SPDYE4: variants seen among roughly 807,000 people sequenced by gnomAD.
The protein encoded by SPDYE4 is speedy protein E4.
Under a neutral mutation model 37.5 loss-of-function variants are expected in SPDYE4, and 30 were observed. The observed-to-expected ratio is 0.80, with a 90% CI of 0.60 to 1.09. The LOEUF is 1.09. Among genes scored for constraint, SPDYE4 ranks in the 50% least tolerant of loss-of-function variants. The pLI, the probability that SPDYE4 is intolerant of heterozygous loss-of-function variation, is 0.00. For missense variants in SPDYE4, 300 were observed against 307.9 expected (o/e 0.97, Z 0.19); for synonymous variants, 131 against 120.3 (o/e 1.09, Z -0.58).
intron 4 of SPDYE4, 78 bp downstream of exon 4, chr17:8,755,442 A>T: frequency 6.7e-7 from 1 of 1,489,858 alleles, no homozygotes; most frequent in Non-Finnish European, 9.2e-7. Flanking sequence ...AAAAAAATAG[A>T]TGGAAGGTTG....
Position 8,757,279 on chromosome 17 carries a change from G to T in SPDYE4, c.323C>A (p.Ala108Asp), listed in dbSNP as rs114698260. 1.2e-6 allele frequency: 2 copies of T among 1,605,506 alleles called. No homozygotes were observed. The highest frequency in any genetic ancestry group is 1.7e-6 in the Non-Finnish European group (2 of 1,175,842). The change falls in exon 2 of 7, where the codon GCC becomes GAC. Residue 108 changes from alanine (A) to aspartate (D), a missense_variant. Ala to Asp is a moderately radical substitution (Grantham distance 126). Transcript: ENST00000689094. ...ASSVLPEHHE[A>D]FNRLLGDPVV... ...CCTCCTACCAAGGAGCCTGTTGAAG[G>T]CCTCGTGGTGCTCAGGGAGCACGGA...
In SPDYE4 at chr17:8,758,281, T is replaced by C. The variant is rs2086791357; in HGVS notation, c.102A>G (p.Gly34=). Residue 34 remains glycine (G), a synonymous_variant, in exon 1 of 7, where the codon GGA becomes GGG. Transcript: ENST00000689094. ...TCCCTCCAGTCACCTCACCTGATGG[T>C]CCTGGCACTTCATCATCCACCACCA... The part of the protein sequence containing the change: ...PEVVVDDEVP[G]PSAPWIDPSP... 1.3e-6 allele frequency: 2 copies of C among 1,543,866 alleles called. No homozygotes were observed. Among genetic ancestry groups the C allele is most frequent in the Non-Finnish European group, 1.7e-6 (2 of 1,143,158 alleles).
downstream of SPDYE4, among the ~76,000 whole-genome samples, chr17:8,749,770 AG>A (rs201100568): frequency 0.034 from 5,132 of 152,290 alleles, 110 homozygotes; most frequent in Non-Finnish European, 0.051. Context: ...TCCCATTATA[AG>A]TTCACCCCTG....
chr17:8,756,565 G>C, intron 2 of SPDYE4, 129 bp from the exon 3 acceptor site: 1 of 832,142 alleles, frequency 1.2e-6, no homozygotes, highest in Non-Finnish European at 1.9e-6. Context: ...AGGTGGATGG[G>C]AGAGGAGAGA....
intron 6 of SPDYE4, 73 bp downstream of exon 6, chr17:8,753,021 C>T (rs1251646452): frequency 2.4e-6 from 3 of 1,274,162 alleles, no homozygotes; most frequent in Non-Finnish European, 2.2e-6. Flanking sequence ...GAAGCTGGAT[C>T]AAGCAGTTGA....
downstream of SPDYE4, among the ~76,000 whole-genome samples, chr17:8,750,629 G>GT (rs2151143770): frequency 6.6e-6 from 1 of 152,302 alleles, no homozygotes; most frequent in South Asian, 2.1e-4. Context: ...AGAATGGCGT[G>GT]AACACAGGAG....
At chr17:8,758,194 G>GCTTCAGATT (rs1431336299) in intron 1 of SPDYE4, 80 bp downstream of exon 1, 3 of 1,198,736 alleles carry the variant, frequency 2.5e-6, no homozygotes, top group Non-Finnish European at 3.5e-6. Flanking sequence ...CTACTCAGGT[G>GCTTCAGATT]CTTCAGATTC....
downstream of SPDYE4, among the ~76,000 whole-genome samples, chr17:8,749,289 T>A (rs2046360333): frequency 6.8e-6 from 1 of 146,526 alleles, no homozygotes; most frequent in Admixed American, 6.8e-5. Flanking sequence ...TGAGATGGAG[T>A]CTCGCTCTGT....
chr17:8,757,230 G>C (rs769495786), intron 2 of SPDYE4, 32 bp downstream of exon 2: 1 of 1,569,330 alleles, frequency 6.4e-7, no homozygotes, highest in Non-Finnish European at 8.7e-7. Flanking sequence ...AAAAGAACAG[G>C]GTTGGAGGTG....
At chr17:8,752,977 G>C (rs117790706) in intron 6 of SPDYE4, 117 bp downstream of exon 6, 12 of 893,606 alleles carry the variant, frequency 1.3e-5, no homozygotes, top group Non-Finnish European at 2.0e-5. Flanking sequence ...TTGTATTTTT[G>C]TGGAGACGGG....
downstream of SPDYE4, among the ~76,000 whole-genome samples, chr17:8,747,631 T>A (rs1347210684): frequency 6.6e-6 from 1 of 152,234 alleles, no homozygotes; most frequent in Non-Finnish European, 1.5e-5. Context: ...TTTTTTGGTT[T>A]TTTTGCCAAT....
At chr17:8,756,829 A>G (rs1267391790) in intron 2 of SPDYE4, among the ~76,000 whole-genome samples, 3 of 152,186 alleles carry the variant, frequency 2.0e-5, no homozygotes, top group Non-Finnish European at 4.4e-5. Flanking sequence ...AGGTTTAGAA[A>G]AGTCATCAAG....
At chr17:8,748,689 G>A (rs771543539), downstream of SPDYE4, among the ~76,000 whole-genome samples, 10 of 152,174 alleles carry the variant, frequency 6.6e-5, no homozygotes, top group Non-Finnish European at 1.5e-4. Flanking sequence ...CTTCTTCTGT[G>A]AGTCTCCTGT....
Position 8,757,271 on chromosome 17 carries a change from T to G in SPDYE4, c.331A>C (p.Arg111=). The G allele has an allele frequency of 6.2e-7, 1 of 1,604,584 alleles. No homozygotes were observed. The change falls in exon 2 of 7, where the codon AGG becomes CGG. Residue 111 remains arginine, a synonymous_variant. Transcript: ENST00000689094. The part of the protein sequence containing the change: ...VLPEHHEAFN[R]LLGDPVVQKF... ...TGGGGTATCCTCCTACCAAGGAGCC[T>G]GTTGAAGGCCTCGTGGTGCTCAGGG...
At chr17:8,748,760 G>A (rs12451749), downstream of SPDYE4, among the ~76,000 whole-genome samples, 73,673 of 151,980 alleles carry the variant, frequency 0.48, 19,222 homozygotes, top group East Asian at 0.6. Context: ...TTTATAGAAG[G>A]TCTTTATGTA....
At position 8,753,493 on chromosome 17, in the gene SPDYE4, G is replaced by C; in HGVS notation, c.486-4C>G. The C allele has an allele frequency of 6.2e-7, 1 of 1,613,472 alleles. No individual in the cohort carries two copies. Among genetic ancestry groups the C allele is most frequent in the South Asian group, 1.1e-5 (1 of 90,990 alleles). On this transcript the variant is annotated splice_polypyrimidine_tract_variant and splice_region_variant and intron_variant, in intron 4 of 6. Coordinates refer to ENST00000689094, the MANE Select transcript of SPDYE4 (RefSeq NM_001394956.1). ...CTCCATGTCACTGGCCAGGTAGCTGGGGAGAGAGATCAGGTTGCTGCTCAG... is the reference window on the plus strand; with the variant it reads ...CTCCATGTCACTGGCCAGGTAGCTGCGGAGAGAGATCAGGTTGCTGCTCAG...
chr17:8,757,577 TC>T, intron 1 of SPDYE4, 85 bp from the exon 2 acceptor site: 1 of 1,367,670 alleles, frequency 7.3e-7, no homozygotes, highest in Non-Finnish European at 1.0e-6. Flanking sequence ...AAACTACTCT[TC>T]CATCCTCCCA....
At position 8,758,421 on chromosome 17, in the gene SPDYE4, AGT is replaced by A; in HGVS notation, c.-41_-40del. ...CACTTTGTTTCTGTCCACAAAACCT[AGT>A]CCCTGTTCTGTCCAAAGCCTTCTTC... On this transcript the variant is annotated 5_prime_UTR_variant, in exon 1 of 7. Transcript: ENST00000689094. The A allele has an allele frequency of 6.5e-7, 1 of 1,527,794 alleles. No individual in the cohort carries two copies. Among genetic ancestry groups the A allele is most frequent in the Non-Finnish European group, 8.9e-7 (1 of 1,124,994 alleles). 94.6% of individuals were successfully genotyped at this position (1,527,794 alleles called of 1,614,324 possible). A position where few individuals can be genotyped will look rare whatever the true frequency, so the allele number is the denominator to read the frequency against.
intron 1 of SPDYE4, among the ~76,000 whole-genome samples, chr17:8,758,032 C>T (rs2086789056): frequency 1.3e-5 from 2 of 152,028 alleles, no homozygotes; most frequent in Admixed American, 1.3e-4. Context: ...CCGTCCGCCT[C>T]GGCCTTCCTC....
Sources: gnomAD v4.1 joint callset for allele counts (sites outside exome capture counted in the v4.1 genomes callset) on GRCh38, gnomAD v4.1.1 for gene constraint, MANE v1.5 for transcripts, NCBI Gene and HGNC (gene_info 2026-07-23, HGNC 2026-07-21) for gene names.